Variants in PLXNA1 observed in about 807,000 individuals in gnomAD.
PLXNA1 encodes the protein plexin-A1.
In PLXNA1, 77 loss-of-function variants were observed where a neutral mutation model predicts 191.7. The observed-to-expected ratio is 0.40, with a 90% CI of 0.33 to 0.49. The LOEUF (loss-of-function observed/expected upper bound fraction) is 0.49, where lower values mean the gene tolerates loss of function less well. Among genes scored for constraint, PLXNA1 ranks in the 20% least tolerant of loss-of-function variants. The pLI, the probability that PLXNA1 is intolerant of heterozygous loss-of-function variation, is 0.63. For missense variants in PLXNA1, 2,110 were observed against 2,660.2 expected (o/e 0.79, Z 4.55); for synonymous variants, 1,137 against 1,156.4 (o/e 0.98, Z 0.34).
chr3:127,013,282 A>G (rs1559960772), intron 10 of PLXNA1, among the ~76,000 whole-genome samples: 1 of 142,242 alleles, frequency 7.0e-6, no homozygotes, highest in Non-Finnish European at 1.5e-5. Context: ...CCAGGCCCAC[A>G]TTAATCTTCC....
At position 127,016,554 on chromosome 3, in the gene PLXNA1, G is replaced by A. The variant is rs1032173130; in HGVS notation, c.3052G>A (p.Gly1018Arg). The change falls in exon 16 of 32, where the codon GGG (glycine) becomes AGG (arginine). Residue 1018 changes from glycine (G) to arginine (R), a missense_variant. This residue lies in a region of PLXNA1 where 644 missense variants were observed against 714.3 expected (regional missense o/e 0.90). Coordinates refer to ENST00000393409, the MANE Select transcript of PLXNA1 (RefSeq NM_032242.4). Reference sequence around the variant, plus strand: ...TGAGATCCGGTGCCTGACACCCCCCGGGCAGAGCCCTGGCAGCGCTCCCAT... The same window carrying A: ...TGAGATCCGGTGCCTGACACCCCCCAGGCAGAGCCCTGGCAGCGCTCCCAT... ...SREIRCLTPPGQSPGSAPIII... is the reference protein window; with the variant it reads ...SREIRCLTPPRQSPGSAPIII... 2.3e-5 allele frequency: 37 copies of A among 1,613,704 alleles called. No individual in the cohort carries two copies. Among genetic ancestry groups the A allele is most frequent in the Admixed American group, 5.0e-5 (3 of 59,996 alleles).
chr3:127,025,324 C>T (rs78641454), intron 23 of PLXNA1, among the ~76,000 whole-genome samples: 10,262 of 152,164 alleles, frequency 0.067, 381 homozygotes, highest in African/African-American at 0.1. Flanking sequence ...GCACTGTTAC[C>T]GTAGCCTTTT....
At chr3:126,995,837 C>T (rs2079012576) in intron 3 of PLXNA1, among the ~76,000 whole-genome samples, 1 of 152,204 alleles carries the variant, frequency 6.6e-6, no homozygotes, top group African/African-American at 2.4e-5. Context: ...GTTTCCTTCC[C>T]TGGATGTTGG....
intron 23 of PLXNA1, chr3:127,027,498 G>A (rs568643138): frequency 8.1e-6 from 3 of 368,628 alleles, no homozygotes; most frequent in Non-Finnish European, 1.6e-5. Context: ...TATGGGGTCC[G>A]CTTGTGCCAT....
intron 22 of PLXNA1, among the ~76,000 whole-genome samples, chr3:127,022,547 G>T (rs1471843514): frequency 1.3e-5 from 2 of 152,188 alleles, no homozygotes; most frequent in Non-Finnish European, 2.9e-5. Flanking sequence ...ACACAGGCCT[G>T]GGCTCTGGGC....
chr3:127,020,806 G>A (rs1209304742), intron 21 of PLXNA1, among the ~76,000 whole-genome samples: 1 of 152,244 alleles, frequency 6.6e-6, no homozygotes, highest in Non-Finnish European at 1.5e-5. Context: ...GCTGGGCAGG[G>A]GCCGTGTGCT....
intron 2 of PLXNA1, among the ~76,000 whole-genome samples, chr3:126,990,193 C>T (rs1282826663): frequency 6.6e-6 from 1 of 152,234 alleles, no homozygotes; most frequent in Non-Finnish European, 1.5e-5. Context: ...TGCCCTGGGT[C>T]ACACAGCAAG....
chr3:127,015,098 G>T, intron 14 of PLXNA1, 86 bp from the exon 15 acceptor site: 1 of 1,529,420 alleles, frequency 6.5e-7, no homozygotes, highest in Non-Finnish European at 8.8e-7. Context: ...ACTGTCTGTG[G>T]GGGTAAGCAG....
At position 127,007,941 on chromosome 3, in the gene PLXNA1, G is replaced by A. The variant is rs1401129916; in HGVS notation, c.2112+28G>A. ...AAGGCCGGGCAAGGGTGAGGGTCAG[G>A]TTTTCAGAGGTGGAGCAGAACTGGG... is the stretch of plus-strand genomic sequence containing the variant. On this transcript the variant is annotated intron_variant, in intron 9 of 31. Coordinates refer to ENST00000393409, the MANE Select transcript of PLXNA1 (RefSeq NM_032242.4). 4.7e-6 allele frequency: 7 copies of A among 1,494,776 alleles called. No homozygotes were observed. In the East Asian group the frequency reaches 6.8e-5, roughly 15 times the overall value. 92.6% of individuals were successfully genotyped at this position (1,494,776 alleles called of 1,614,324 possible).
At position 127,017,015 on chromosome 3, in the gene PLXNA1, A is replaced by G. The variant is rs1218410444; in HGVS notation, c.3254A>G (p.Tyr1085Cys). 1.9e-6 allele frequency: 3 copies of G among 1,613,428 alleles called. No individual in the cohort carries two copies. The highest frequency in any genetic ancestry group is 2.5e-6 in the Non-Finnish European group (3 of 1,179,922). ...CGTGAACCCCGAATCCGGGCCAAGTATGGAGGCATTGAGAGGGAGAACGTG... is the reference window on the plus strand; with the variant it reads ...CGTGAACCCCGAATCCGGGCCAAGTGTGGAGGCATTGAGAGGGAGAACGTG... ...TVREPRIRAKYGGIERENGCL... is the reference protein window; with the variant it reads ...TVREPRIRAKCGGIERENGCL... Residue 1085 changes from tyrosine (Y) to cysteine (C), a missense_variant, in exon 17 of 32, where the codon TAT becomes TGT. This residue lies in a region of PLXNA1 where 644 missense variants were observed against 714.3 expected (regional missense o/e 0.90). Transcript: ENST00000393409.
intron 9 of PLXNA1, 77 bp downstream of exon 9, chr3:127,007,990 G>A (rs757540684): frequency 5.9e-5 from 55 of 938,254 alleles, no homozygotes; most frequent in African/African-American, 3.4e-4. Context: ...TCTGGGTGTC[G>A]CCTGAGGCCT....
chr3:127,001,967 G>A (rs1054642905), intron 3 of PLXNA1, among the ~76,000 whole-genome samples: 6 of 152,220 alleles, frequency 3.9e-5, no homozygotes, highest in Non-Finnish European at 7.3e-5. Flanking sequence ...CTAAGCGTCC[G>A]TCGGGCAGGC....
intron 9 of PLXNA1, among the ~76,000 whole-genome samples, chr3:127,009,043 C>T (rs1284048154): frequency 6.6e-6 from 1 of 152,100 alleles, no homozygotes; most frequent in African/African-American, 2.4e-5. Flanking sequence ...GCAGAGCCCA[C>T]GGTGGAATCT....
At chr3:126,983,550 G>C (rs2078941656) in intron 1 of PLXNA1, among the ~76,000 whole-genome samples, 2 of 146,764 alleles carry the variant, frequency 1.4e-5, no homozygotes, top group East Asian at 4.0e-4. Context: ...CCGACGCGGA[G>C]AGACCGCACC....
chr3:127,016,607 C>G lies in PLXNA1; in HGVS notation c.3105C>G (p.Leu1035=). 1 of 1,614,048 alleles carries G rather than the reference C, an allele frequency of 6.2e-7. No individual in the cohort carries two copies. Among genetic ancestry groups the G allele is most frequent in the South Asian group, 1.1e-5 (1 of 91,090 alleles). The change falls in exon 16 of 32, where the codon CTC becomes CTG. Residue 1035 remains leucine, a synonymous_variant. Coordinates refer to ENST00000393409, the MANE Select transcript of PLXNA1 (RefSeq NM_032242.4). ...PIIININRAQ[L]TNPEVKYNYT... ...TCATCAACATCAACCGCGCCCAGCT[C>G]ACCAACCCTGAGGTGAAGTACAACT...
chr3:127,003,414 C>T lies in PLXNA1; in HGVS notation c.1462C>T (p.Arg488Ter), dbSNP rs765849153. Residue 488 changes from arginine to a stop codon, truncating the protein, a stop_gained, in exon 4 of 32, where the codon CGA (arginine) becomes TGA (stop). Coordinates refer to ENST00000393409, the MANE Select transcript of PLXNA1 (RefSeq NM_032242.4). LOFTEE classifies it high-confidence loss of function. ...VVAQEGSPILRDLVLSPNHQY... is the reference protein window; with the variant it reads ...VVAQEGSPIL ...GGCCCAGGAGGGCAGCCCCATCCTG[C>T]GAGACCTCGTCCTCAGCCCCAACCA... 4 of 1,611,660 alleles carry T rather than the reference C, an allele frequency of 2.5e-6. No homozygotes were observed. Among genetic ancestry groups the T allele is most frequent in the Non-Finnish European group, 3.4e-6 (4 of 1,179,422 alleles).
chr3:127,032,330 C>CT (rs1265342734), intron 29 of PLXNA1, 57 bp from the exon 30 acceptor site: 5 of 1,543,352 alleles, frequency 3.2e-6, no homozygotes, highest in Non-Finnish European at 4.4e-6. Flanking sequence ...GCCACAAGGT[C>CT]ACTGCTCAGG....
chr3:126,991,067 C>T (rs1361663282), intron 2 of PLXNA1, among the ~76,000 whole-genome samples: 1 of 152,186 alleles, frequency 6.6e-6, no homozygotes, highest in Non-Finnish European at 1.5e-5. Flanking sequence ...CACTTCTCCC[C>T]ACATCCCTTC....
chr3:126,984,015 C>A (rs1003405232), intron 1 of PLXNA1, among the ~76,000 whole-genome samples: 20 of 152,210 alleles, frequency 1.3e-4, no homozygotes, highest in African/African-American at 4.1e-4. Context: ...TGGCCTCCCC[C>A]TCTCGGGGCC....
Sources: gnomAD v4.1 joint callset for allele counts (sites outside exome capture counted in the v4.1 genomes callset) on GRCh38, gnomAD v4.1.1 for gene constraint, gnomAD v4.1.1 regional missense constraint, MANE v1.5 for transcripts, NCBI Gene and HGNC (gene_info 2026-07-23, HGNC 2026-07-21) for gene names.